PSD3: variants seen among roughly 807,000 people sequenced by gnomAD.
The protein encoded by PSD3 is PH and SEC7 domain-containing protein 3.
In PSD3, 49 loss-of-function variants were observed where a neutral mutation model predicts 105.5. The ratio of observed to expected loss-of-function variants is 0.46; its 90% CI spans 0.37 to 0.59. PSD3 has a LOEUF of 0.59. PSD3 is among the 20% of genes least tolerant of loss of function. The pLI is 0.00. For missense variants in PSD3, 1,561 were observed against 1,263.8 expected (o/e 1.24, Z -3.57); for synonymous variants, 557 against 457.8 (o/e 1.22, Z -2.77).
chr8:18,808,046 T>C (rs1263171454), intron 4 of PSD3, among the ~76,000 whole-genome samples: 1 of 152,220 alleles, frequency 6.6e-6, no homozygotes, highest in Non-Finnish European at 1.5e-5. Context: ...TAACCTATAA[T>C]AAGAAAACTC....
intron 14 of PSD3, among the ~76,000 whole-genome samples, chr8:18,558,968 T>C (rs1258476022): frequency 6.6e-6 from 1 of 152,254 alleles, no homozygotes; most frequent in Non-Finnish European, 1.5e-5. Context: ...TTCCTGTCTT[T>C]TAAACATTGC....
At chr8:18,615,170 TCCAATTACCTACTCCACC>T in intron 11 of PSD3, among the ~76,000 whole-genome samples, 7 of 95,850 alleles carry the variant, frequency 7.3e-5, no homozygotes, top group Non-Finnish European at 1.3e-4. Context: ...CCTGACTCAT[TCCAATTACCTACTCCACC>T]CTGACTCATT....
intron 10 of PSD3, among the ~76,000 whole-genome samples, chr8:18,639,214 T>C (rs1438846745): frequency 1.3e-5 from 2 of 152,088 alleles, no homozygotes; most frequent in African/African-American, 2.4e-5. Flanking sequence ...GGGAGTCGGG[T>C]AAGGGCAAAT....
chr8:18,809,890 T>C (rs939366356), intron 4 of PSD3, among the ~76,000 whole-genome samples: 30 of 152,080 alleles, frequency 2.0e-4, no homozygotes, highest in African/African-American at 7.2e-4. Context: ...ACAAAAACCC[T>C]CCTCTGTGTT....
chr8:18,880,189 G>A (rs1179964045), intron 2 of PSD3, among the ~76,000 whole-genome samples: 1 of 152,084 alleles, frequency 6.6e-6, no homozygotes, highest in Non-Finnish European at 1.5e-5. Context: ...TATATGCTAA[G>A]ATAATTATTT....
chr8:18,747,375 AT>A (rs1400327055), intron 9 of PSD3, among the ~76,000 whole-genome samples: 1 of 152,244 alleles, frequency 6.6e-6, no homozygotes, highest in Non-Finnish European at 1.5e-5. Context: ...TTTTTAAAAA[AT>A]CAATTTTCCC....
At position 18,872,640 on chromosome 8, in the gene PSD3, G is replaced by A; in HGVS notation, c.224C>T (p.Ala75Val). The A allele has an allele frequency of 6.2e-7, 1 of 1,613,390 alleles. No homozygotes were observed. The highest frequency in any genetic ancestry group is 2.2e-5 in the East Asian group (1 of 44,862). The change falls in exon 3 of 16, where the codon GCT becomes GTT. Residue 75 changes from alanine to valine, a missense_variant. Transcript: ENST00000327040. ...AGCCTCACCATCAAATTCCAGAGAA[G>A]CCCTTAGGCCTTCTCCACCTTCCTC... ...TMEEGGEGLR[A>V]SLEFDGEALP...
At chr8:18,733,246 C>A (rs910101158) in intron 9 of PSD3, 1 of 152,020 alleles carries the variant, frequency 6.6e-6, no homozygotes, top group Non-Finnish European at 1.5e-5. Context: ...AGGAAAATCT[C>A]TTTTTTTAAA....
chr8:18,722,054 T>G (rs79869904), intron 9 of PSD3, among the ~76,000 whole-genome samples: 73 of 152,130 alleles, frequency 4.8e-4, no homozygotes, highest in Middle Eastern at 3.4e-3. Flanking sequence ...AGACTATGAT[T>G]GTTGAGCCTT....
At chr8:18,849,186 G>C (rs1815363882) in intron 4 of PSD3, 1 of 152,214 alleles carries the variant, frequency 6.6e-6, no homozygotes, top group Non-Finnish European at 1.5e-5. Flanking sequence ...AAAGTGCCAA[G>C]TCCTAAATCA....
intron 8 of PSD3, among the ~76,000 whole-genome samples, chr8:18,793,698 C>T (rs968050892): frequency 6.6e-6 from 1 of 152,146 alleles, no homozygotes; most frequent in African/African-American, 2.4e-5. Context: ...TGGCAGATGG[C>T]ATCACCTTTC....
chr8:18,959,652 A>T (rs540537558), intron 1 of PSD3, among the ~76,000 whole-genome samples: 8 of 152,256 alleles, frequency 5.3e-5, no homozygotes, highest in Non-Finnish European at 1.0e-4. Flanking sequence ...GGGAATCAAG[A>T]CATTACTTTT....
Position 18,620,342 on chromosome 8 carries a change from G to GTGTTTT in PSD3, c.2410+12270_2410+12271insAAAACA, listed in dbSNP as rs773701352. 2.5e-3 allele frequency among the ~76,000 whole-genome samples: 301 copies of GTGTTTT among 121,698 alleles called. 1 individual carries two copies. Among genetic ancestry groups the GTGTTTT allele is most frequent in the African/African-American group, 9.0e-3 (291 of 32,352 alleles). The allele number at this position is 121,698 out of a possible 152,430, so 79.8% of individuals were successfully genotyped here. A position where few individuals can be genotyped will look rare whatever the true frequency, so the allele number is the denominator to read the frequency against. ...CTTACTGAAGGGTTCTTGGGTTTGT[G>GTGTTTT]TTTTTTTTTTTTTTTTTTCCCCAGG... On this transcript the variant is annotated intron_variant, in intron 11 of 15. Transcript: ENST00000327040.
chr8:19,066,016 T>G (rs1829065411), intron 1 of PSD3, among the ~76,000 whole-genome samples: 1 of 152,184 alleles, frequency 6.6e-6, no homozygotes. Context: ...GAAATGGGTT[T>G]GAATACCAAA....
intron 8 of PSD3, among the ~76,000 whole-genome samples, chr8:18,785,281 C>T (rs1351039629): frequency 6.6e-6 from 1 of 152,160 alleles, no homozygotes; most frequent in East Asian, 1.9e-4. Flanking sequence ...GAAAAAATAT[C>T]TTACCTAGAC....
chr8:18,997,388 C>T (rs1215804654), intron 1 of PSD3, among the ~76,000 whole-genome samples: 2 of 151,874 alleles, frequency 1.3e-5, no homozygotes, highest in African/African-American at 4.8e-5. Flanking sequence ...ATCCTTCCCA[C>T]TCAACCTTCA....
At chr8:18,718,118 G>A (rs1461445203) in intron 9 of PSD3, among the ~76,000 whole-genome samples, 2 of 152,154 alleles carry the variant, frequency 1.3e-5, no homozygotes, top group Non-Finnish European at 2.9e-5. Context: ...TTGAAGCTCT[G>A]ACTGTATCTT....
intron 14 of PSD3, among the ~76,000 whole-genome samples, chr8:18,563,277 T>A (rs1331387979): frequency 1.3e-5 from 2 of 152,136 alleles, no homozygotes; most frequent in Admixed American, 6.5e-5. Context: ...GTTTTTATAA[T>A]GCCCACAAAA....
intron 15 of PSD3, among the ~76,000 whole-genome samples, chr8:18,549,083 G>A (rs968996354): frequency 3.3e-5 from 5 of 152,092 alleles, no homozygotes; most frequent in African/African-American, 1.2e-4. Context: ...GGTTGCAGGG[G>A]GCTCTCTTGG....
Sources: gnomAD v4.1 joint callset for allele counts (sites outside exome capture counted in the v4.1 genomes callset) on GRCh38, gnomAD v4.1.1 for gene constraint, MANE v1.5 for transcripts, NCBI Gene and HGNC (gene_info 2026-07-23, HGNC 2026-07-21) for gene names.